KIT: variants seen among roughly 807,000 people sequenced by gnomAD.
KIT encodes the protein mast/stem cell growth factor receptor Kit.
A neutral mutation model predicts 105.7 loss-of-function variants in KIT; 16 were observed. The ratio of observed to expected loss-of-function variants is 0.15; its 90% CI spans 0.10 to 0.23. KIT has a LOEUF of 0.23. KIT is among the 10% of genes least tolerant of loss of function. KIT has a pLI of 1.00. For missense variants in KIT, 858 were observed against 1,213.8 expected (o/e 0.71, Z 4.36); for synonymous variants, 438 against 441.1 (o/e 0.99, Z 0.09).
chr4:54,658,321 A>T (rs1716967805), intron 1 of KIT, among the ~76,000 whole-genome samples: 1 of 151,882 alleles, frequency 6.6e-6, no homozygotes, highest in Non-Finnish European at 1.5e-5. Flanking sequence ...TTCTTCGGGA[A>T]TGGGGACAGC....
At chr4:54,724,388 C>T (rs1485521625) in intron 8 of KIT, among the ~76,000 whole-genome samples, 1 of 152,200 alleles carries the variant, frequency 6.6e-6, no homozygotes, top group Non-Finnish European at 1.5e-5. Context: ...TTTTATTTTT[C>T]ATGGAATAAG....
At chr4:54,679,829 C>CTTT (rs540207470) in intron 1 of KIT, among the ~76,000 whole-genome samples, 6 of 152,260 alleles carry the variant, frequency 3.9e-5, no homozygotes, top group African/African-American at 1.4e-4. Context: ...ATTATTCAGC[C>CTTT]TTAAAAGGGA....
At position 54,727,869 on chromosome 4, in the gene KIT, T is replaced by G; in HGVS notation, c.1821T>G (p.Thr607=). Residue 607 remains threonine, a synonymous_variant, in exon 12 of 21, where the codon ACT becomes ACG. Transcript: ENST00000288135. The part of the protein sequence containing the change: ...AGAFGKVVEA[T]AYGLIKSDAA... Reference sequence around the variant, plus strand: ...CTTTCGGGAAGGTTGTTGAGGCAACTGCTTATGGCTTAATTAAGTCAGATG... The same window carrying G: ...CTTTCGGGAAGGTTGTTGAGGCAACGGCTTATGGCTTAATTAAGTCAGATG... The G allele has an allele frequency of 6.2e-7, 1 of 1,613,862 alleles. No individual in the cohort carries two copies. The highest frequency in any genetic ancestry group is 8.5e-7 in the Non-Finnish European group (1 of 1,180,006).
In KIT at chr4:54,740,268, C is replaced by T; in HGVS notation, c.*1711C>T. On this transcript the variant is annotated 3_prime_UTR_variant, in exon 21 of 21. Coordinates refer to ENST00000288135, the MANE Select transcript of KIT (RefSeq NM_000222.3). ...TTAACAGATTTTGGGGTTGTGTTGTCACCCAAGAGATTGTTGTTTGCCATA... is the reference window on the plus strand; with the variant it reads ...TTAACAGATTTTGGGGTTGTGTTGTTACCCAAGAGATTGTTGTTTGCCATA... The T allele has an allele frequency of 4.3e-6, 1 of 233,546 alleles. No individual in the cohort carries two copies. Among genetic ancestry groups the T allele is most frequent in the Non-Finnish European group, 8.5e-6 (1 of 117,962 alleles). The allele number at this position is 233,546 out of a possible 1,614,324, so 14.5% of individuals were successfully genotyped here.
In KIT at chr4:54,740,539, T is replaced by C; in HGVS notation, c.*1982T>C. The stretch of plus-strand genomic sequence containing the variant: ...AAATGTAGCAATAATGTCTTTTGAA[T>C]ATTCCCAAGCCCATGAGTCCTTGAA... On this transcript the variant is annotated 3_prime_UTR_variant, in exon 21 of 21. Coordinates refer to ENST00000288135, the MANE Select transcript of KIT (RefSeq NM_000222.3). 1 of 233,196 alleles carries C rather than the reference T, an allele frequency of 4.3e-6. No individual in the cohort carries two copies. Among genetic ancestry groups the C allele is most frequent in the East Asian group, 6.1e-5 (1 of 16,456 alleles). The allele number at this position is 233,196 out of a possible 1,614,324, so 14.4% of individuals were successfully genotyped here. A position where few individuals can be genotyped will look rare whatever the true frequency, so the allele number is the denominator to read the frequency against.
chr4:54,698,447 G>A lies in KIT; in HGVS notation c.501G>A (p.Lys167=), dbSNP rs767567085. Residue 167 remains lysine (K), a synonymous_variant, in exon 3 of 21, where the codon AAG becomes AAA. Coordinates refer to ENST00000288135, the MANE Select transcript of KIT (RefSeq NM_000222.3). ...ACTTGAGGTTTATTCCTGACCCCAA[G>A]GCGGGCATCATGATCAAAAGTGTGA... The part of the protein sequence containing the change: ...PKDLRFIPDP[K]AGIMIKSVKR... The A allele has an allele frequency of 2.3e-5, 37 of 1,614,064 alleles. No individual in the cohort carries two copies. In the South Asian group the frequency reaches 3.7e-4, roughly 16 times the overall value.
chr4:54,715,948 A>G (rs973821084), intron 7 of KIT, among the ~76,000 whole-genome samples: 3 of 132,962 alleles, frequency 2.3e-5, no homozygotes, highest in African/African-American at 7.9e-5. Context: ...CTCACAAAAC[A>G]GAGCAAAGTT....
chr4:54,704,810 T>C (rs1171999686), intron 5 of KIT, among the ~76,000 whole-genome samples: 1 of 152,146 alleles, frequency 6.6e-6, no homozygotes, highest in East Asian at 1.9e-4. Context: ...AGAACAATAA[T>C]AAAGTGATGC....
rs985715997 is a variant in KIT, at chr4:54,686,445, C to G, written c.68-9067C>G. Among the ~76,000 whole-genome samples, 4 of 152,128 alleles carry G rather than the reference C, an allele frequency of 2.6e-5. No homozygotes were observed. In the East Asian group the frequency reaches 7.7e-4, roughly 29 times the overall value. ...CAGAAATTTGCATTGTCCAAAGGAA[C>G]TGGTTTCTCAGGCCTGGACATGGGA... On this transcript the variant is annotated intron_variant, in intron 1 of 20. Transcript: ENST00000288135.
chr4:54,710,132 C>T (rs1029519593), intron 7 of KIT, among the ~76,000 whole-genome samples: 3 of 152,272 alleles, frequency 2.0e-5, no homozygotes, highest in Middle Eastern at 3.4e-3. Context: ...GGGGTCCTAC[C>T]GACCCCACTC....
In KIT at chr4:54,695,503, T is replaced by A. The variant is rs1719995111; in HGVS notation, c.68-9T>A. The A allele has an allele frequency of 1.2e-6, 2 of 1,614,132 alleles. No homozygotes were observed. The highest frequency in any genetic ancestry group is 1.1e-5 in the South Asian group (1 of 91,078). The stretch of plus-strand genomic sequence containing the variant: ...ATCATACTCAACACGATTCTGTTTT[T>A]CTTGGCAGGCTCTTCTCAACCATCT... On this transcript the variant is annotated splice_polypyrimidine_tract_variant and intron_variant, in intron 1 of 20. Transcript: ENST00000288135.
At chr4:54,677,666 T>C (rs1718577745) in intron 1 of KIT, among the ~76,000 whole-genome samples, 1 of 152,176 alleles carries the variant, frequency 6.6e-6, no homozygotes, top group Admixed American at 6.5e-5. Context: ...TGTTAGAAGA[T>C]ACGCACTCCT....
chr4:54,714,887 C>T (rs1721372684), intron 7 of KIT, among the ~76,000 whole-genome samples: 1 of 152,168 alleles, frequency 6.6e-6, no homozygotes, highest in East Asian at 1.9e-4. Flanking sequence ...TCCCTTTGAT[C>T]ATTAGCCTTA....
At chr4:54,716,000 A>C (rs1721467984) in intron 7 of KIT, among the ~76,000 whole-genome samples, 1 of 152,224 alleles carries the variant, frequency 6.6e-6, no homozygotes, top group Admixed American at 6.5e-5. Flanking sequence ...ATGTCTTCCC[A>C]CCACTTAACC....
chr4:54,715,331 G>A (rs1406122714), intron 7 of KIT, among the ~76,000 whole-genome samples: 3 of 146,592 alleles, frequency 2.0e-5, no homozygotes, highest in Non-Finnish European at 4.5e-5. Context: ...AACCAGAAAT[G>A]ATCCCAGGTA....
In KIT at chr4:54,695,590, G is replaced by A. The variant is rs376469897; in HGVS notation, c.146G>A (p.Arg49His). 30 of 1,614,206 alleles carry A rather than the reference G, an allele frequency of 1.9e-5. No individual in the cohort carries two copies. The highest frequency in any genetic ancestry group is 1.3e-4 in the East Asian group (6 of 44,888). Reference protein sequence around the residue: ...IHPGKSDLIVRVGDEIRLLCT... With the variant: ...IHPGKSDLIVHVGDEIRLLCT... Reference sequence around the variant, plus strand: ...CCAGGAAAATCAGACTTAATAGTCCGCGTGGGCGACGAGATTAGGCTGTTA... The same window carrying A: ...CCAGGAAAATCAGACTTAATAGTCCACGTGGGCGACGAGATTAGGCTGTTA... The change falls in exon 2 of 21, where the codon CGC (arginine) becomes CAC (histidine). Residue 49 changes from arginine to histidine, a missense_variant. Transcript: ENST00000288135.
chr4:54,690,062 G>GGT (rs1719592562), intron 1 of KIT, among the ~76,000 whole-genome samples: 1 of 138,406 alleles, frequency 7.2e-6, no homozygotes, highest in African/African-American at 2.5e-5. Context: ...TTTTTGTGGG[G>GGT]GGGGGGGGCT....
At position 54,698,573 on chromosome 4, in the gene KIT, C is replaced by T. The variant is rs1213913649; in HGVS notation, c.619+8C>T. The T allele has an allele frequency of 6.2e-7, 1 of 1,613,822 alleles. No individual in the cohort carries two copies. Among genetic ancestry groups the T allele is most frequent in the Non-Finnish European group, 8.5e-7 (1 of 1,179,932 alleles). On this transcript the variant is annotated splice_region_variant and intron_variant, in intron 3 of 20. Transcript: ENST00000288135. The stretch of plus-strand genomic sequence containing the variant: ...TCCTGAAAGTGAGGCCAGGTACTGG[C>T]TCTTTCTTATCTGCCTCTGGGAGTT...
At chr4:54,717,751 A>G (rs1015025112) in intron 7 of KIT, among the ~76,000 whole-genome samples, 3 of 152,150 alleles carry the variant, frequency 2.0e-5, no homozygotes, top group Non-Finnish European at 4.4e-5. Flanking sequence ...TTCCATGGGC[A>G]TTCTGTCAAT....
Sources: gnomAD v4.1 joint callset for allele counts (sites outside exome capture counted in the v4.1 genomes callset) on GRCh38, gnomAD v4.1.1 for gene constraint, MANE v1.5 for transcripts, NCBI Gene and HGNC (gene_info 2026-07-23, HGNC 2026-07-21) for gene names.